Variants in MYO1E observed in about 807,000 individuals in gnomAD.
The protein encoded by MYO1E is unconventional myosin-Ie.
A neutral mutation model predicts 151.1 loss-of-function variants in MYO1E; 68 were observed. That is an observed-to-expected ratio of 0.45 (90% CI 0.37 to 0.55). MYO1E has a LOEUF of 0.55. MYO1E is among the 20% of genes least tolerant of loss of function. MYO1E has a pLI of 0.00. For missense variants in MYO1E, 1,363 were observed against 1,389.3 expected, an observed-to-expected ratio of 0.98 and a Z score of 0.30; for synonymous variants, 601 against 501.7, an observed-to-expected ratio of 1.20 and a Z score of -2.64.
rs368543269 is a variant in MYO1E at position 59,174,103 on chromosome 15, A to G, written c.2164+23T>C. ...TTACTCTTCAGATTTATTAAAATCA[A>G]TGAAACAAAATTGCTAAAATACCTT... On this transcript the variant is annotated intron_variant, in intron 20 of 27. Coordinates refer to ENST00000288235, the MANE Select transcript of MYO1E (RefSeq NM_004998.4). 7.5e-6 allele frequency: 12 copies of G among 1,591,762 alleles called. No individual in the cohort carries two copies. The African/African-American group carries it at 1.6e-4, about 21-fold the overall frequency.
chr15:59,155,184 T>C (rs769240192), intron 25 of MYO1E, among the ~76,000 whole-genome samples: 9 of 152,240 alleles, frequency 5.9e-5, no homozygotes, highest in Admixed American at 2.6e-4. Context: ...CCACAGGGGC[T>C]GCTCCACATG....
intron 1 of MYO1E, among the ~76,000 whole-genome samples, chr15:59,354,676 G>C (rs1449939571): frequency 1.3e-5 from 2 of 152,196 alleles, no homozygotes; most frequent in Admixed American, 1.3e-4. Flanking sequence ...GCTTTTGAAC[G>C]GATAGTGGTG....
At chr15:59,304,368 C>T (rs527876691) in intron 1 of MYO1E, among the ~76,000 whole-genome samples, 67 of 152,274 alleles carry the variant, frequency 4.4e-4, no homozygotes, top group African/African-American at 1.4e-3. Context: ...TGGGTTCCTA[C>T]GCTACTGTTT....
intron 1 of MYO1E, among the ~76,000 whole-genome samples, chr15:59,353,369 A>AAAAAAAAAAGAAAAG (rs1178465167): frequency 2.1e-5 from 2 of 96,886 alleles, no homozygotes; most frequent in African/African-American, 8.4e-5. Flanking sequence ...AAAAAAAAAA[A>AAAAAAAAAAGAAAAG]AAAAGAAAAG....
At chr15:59,221,863 A>G (rs2079958437) in intron 9 of MYO1E, among the ~76,000 whole-genome samples, 1 of 152,228 alleles carries the variant, frequency 6.6e-6, no homozygotes, top group Non-Finnish European at 1.5e-5. Context: ...GGCAAAAAAA[A>G]TCCAGTCTAC....
At chr15:59,182,686 CA>C (rs1443111548) in intron 18 of MYO1E, among the ~76,000 whole-genome samples, 7 of 152,138 alleles carry the variant, frequency 4.6e-5, no homozygotes, top group African/African-American at 1.7e-4. Flanking sequence ...AAAGGAATAA[CA>C]AATTTCACAA....
At chr15:59,365,231 C>G (rs906484084) in intron 1 of MYO1E, among the ~76,000 whole-genome samples, 1 of 152,036 alleles carries the variant, frequency 6.6e-6, no homozygotes, top group African/African-American at 2.4e-5. Flanking sequence ...GTTGGCCAGG[C>G]TGGTCTCGGA....
intron 1 of MYO1E, among the ~76,000 whole-genome samples, chr15:59,303,286 G>A (rs1372740299): frequency 2.6e-5 from 4 of 152,136 alleles, no homozygotes; most frequent in African/African-American, 7.2e-5. Context: ...GTGGTGGCAT[G>A]TGCCTGTAGT....
At chr15:59,147,728 C>T (rs1390742806) in intron 26 of MYO1E, among the ~76,000 whole-genome samples, 3 of 152,002 alleles carry the variant, frequency 2.0e-5, no homozygotes, top group South Asian at 4.1e-4. Flanking sequence ...GTGATTATTA[C>T]CATTACTGCA....
intron 1 of MYO1E, among the ~76,000 whole-genome samples, chr15:59,273,029 G>A (rs1394145379): frequency 2.0e-5 from 3 of 152,194 alleles, no homozygotes; most frequent in South Asian, 2.1e-4. Context: ...TGTCATACGT[G>A]TAATACTGGC....
At chr15:59,254,318 G>C (rs2080181995) in intron 4 of MYO1E, among the ~76,000 whole-genome samples, 1 of 152,052 alleles carries the variant, frequency 6.6e-6, no homozygotes, top group Non-Finnish European at 1.5e-5. Flanking sequence ...CTCCCTAGTA[G>C]CTAGGGCTAC....
chr15:59,363,903 T>C (rs1245635597), intron 1 of MYO1E, among the ~76,000 whole-genome samples: 1 of 152,080 alleles, frequency 6.6e-6, no homozygotes, highest in African/African-American at 2.4e-5. Flanking sequence ...GCCTCCCGAG[T>C]AGCTGGGATT....
chr15:59,183,975 G>C (rs1228828498), intron 18 of MYO1E, among the ~76,000 whole-genome samples: 2 of 152,102 alleles, frequency 1.3e-5, no homozygotes, highest in African/African-American at 4.8e-5. Flanking sequence ...TTAACATAAT[G>C]ATCTCCAATT....
intron 4 of MYO1E, among the ~76,000 whole-genome samples, chr15:59,250,110 G>A (rs1330249017): frequency 6.6e-6 from 1 of 152,158 alleles, no homozygotes; most frequent in African/African-American, 2.4e-5. Flanking sequence ...TTAACTCAAG[G>A]GCTCAGGCTT....
chr15:59,234,414 G>A (rs371113872), intron 5 of MYO1E, among the ~76,000 whole-genome samples: 19 of 152,188 alleles, frequency 1.2e-4, no homozygotes, highest in Admixed American at 1.3e-4. Context: ...GTATAGGCAC[G>A]TCTGGCCCGC....
intron 1 of MYO1E, among the ~76,000 whole-genome samples, chr15:59,344,539 G>T (rs1399325043): frequency 6.6e-6 from 1 of 152,180 alleles, no homozygotes; most frequent in Non-Finnish European, 1.5e-5. Context: ...AGGCCCTAGG[G>T]CTCTACAATC....
At chr15:59,310,837 G>A (rs1190622894) in intron 1 of MYO1E, among the ~76,000 whole-genome samples, 1 of 151,464 alleles carries the variant, frequency 6.6e-6, no homozygotes, top group South Asian at 2.1e-4. Flanking sequence ...TACTCTGTAA[G>A]AAGCTAGTGG....
At chr15:59,205,629 C>A in intron 14 of MYO1E, 144 bp from the exon 15 acceptor site, 1 of 765,152 alleles carries the variant, frequency 1.3e-6, no homozygotes, top group Non-Finnish European at 2.2e-6. Flanking sequence ...TGTGGATTTC[C>A]AGATGTTGCA....
Position 59,136,494 on chromosome 15 carries a change from G to A in MYO1E, c.*886C>T. The A allele has an allele frequency of 3.3e-6, 1 of 302,328 alleles. No homozygotes were observed. The highest frequency in any genetic ancestry group is 6.7e-6 in the Non-Finnish European group (1 of 149,594). 18.7% of individuals were successfully genotyped at this position (302,328 alleles called of 1,614,324 possible). On this transcript the variant is annotated 3_prime_UTR_variant, in exon 28 of 28. Transcript: ENST00000288235. The stretch of plus-strand genomic sequence containing the variant: ...AGTGACACTCCGTAGTTGGAAAAAA[G>A]CAGAGCACATCTTTAAGTACCTGGT...
Sources: gnomAD v4.1 joint callset for allele counts (sites outside exome capture counted in the v4.1 genomes callset) on GRCh38, gnomAD v4.1.1 for gene constraint, MANE v1.5 for transcripts, NCBI Gene and HGNC (gene_info 2026-07-23, HGNC 2026-07-21) for gene names.